PCSK5: variants seen among roughly 807,000 people sequenced by gnomAD.
PCSK5 encodes proprotein convertase subtilisin/kexin type 5.
PCSK5 carries 129 observed loss-of-function variants against 233.2 expected under a neutral mutation model. That is an observed-to-expected ratio of 0.55 (90% CI 0.48 to 0.64). The LOEUF (loss-of-function observed/expected upper bound fraction) is 0.64, where lower values mean the gene tolerates loss of function less well. Among genes scored for constraint, PCSK5 ranks in the 30% least tolerant of loss-of-function variants. The pLI is 0.00. For missense variants in PCSK5, 2,076 were observed against 2,430.1 expected (o/e 0.85, Z 3.06); for synonymous variants, 825 against 879.2 (o/e 0.94, Z 1.09).
At chr9:76,234,013 A>G (rs1451331433) in intron 22 of PCSK5, among the ~76,000 whole-genome samples, 2 of 152,112 alleles carry the variant, frequency 1.3e-5, no homozygotes, top group Non-Finnish European at 2.9e-5. Flanking sequence ...GAGCAAGGTC[A>G]TCGTTTCAAA....
At chr9:75,904,034 CT>C (rs1347002154) in intron 1 of PCSK5, among the ~76,000 whole-genome samples, 1 of 152,072 alleles carries the variant, frequency 6.6e-6, no homozygotes, top group Non-Finnish European at 1.5e-5. Context: ...CCAGCAAGAC[CT>C]TTTTTTCTTT....
chr9:76,278,924 T>A (rs1461026944), intron 24 of PCSK5, among the ~76,000 whole-genome samples: 4 of 152,162 alleles, frequency 2.6e-5, no homozygotes, highest in Admixed American at 6.5e-5. Context: ...GCATTTTTTT[T>A]ATTATACTTT....
At chr9:76,210,412 T>C (rs1236953275) in intron 20 of PCSK5, among the ~76,000 whole-genome samples, 1 of 152,204 alleles carries the variant, frequency 6.6e-6, no homozygotes, top group East Asian at 1.9e-4. Flanking sequence ...TGGCCTGCCA[T>C]GTGTGCCTGA....
chr9:76,189,117 A>C lies in PCSK5; in HGVS notation c.2404A>C (p.Asn802His), dbSNP rs1457545956. The change falls in exon 19 of 38, where the codon AAC (asparagine) becomes CAC (histidine). Residue 802 changes from asparagine (N) to histidine (H), a missense_variant. By Grantham distance (68) the Asn-to-His change is moderately conservative. This residue lies in a region of PCSK5 where 1,510 missense variants were observed against 1,538.1 expected (regional missense o/e 0.98). Coordinates refer to ENST00000674117, the MANE Select transcript of PCSK5 (RefSeq NM_001372043.1). ...AGGGGCAGGAGCTGATGGGTGCATT[A>C]ACTGCACAGAGGGCTACTTCATGGA... ...CAGAGADGCI[N>H]CTEGYFMEDG... 6.2e-7 allele frequency: 1 copy of C among 1,613,390 alleles called. No individual in the cohort carries two copies.
At chr9:76,062,565 C>A (rs1335797722) in intron 5 of PCSK5, among the ~76,000 whole-genome samples, 1 of 152,090 alleles carries the variant, frequency 6.6e-6, no homozygotes, top group Non-Finnish European at 1.5e-5. Context: ...AGGGTTTATC[C>A]AGATATTTTC....
chr9:76,205,889 G>A (rs59706015), intron 20 of PCSK5, among the ~76,000 whole-genome samples: 3,699 of 152,126 alleles, frequency 0.024, 156 homozygotes, highest in African/African-American at 0.085. Flanking sequence ...CCACCCTTCC[G>A]GATGGCAAGT....
chr9:76,132,632 G>A (rs1247079369), intron 9 of PCSK5, among the ~76,000 whole-genome samples: 1 of 152,042 alleles, frequency 6.6e-6, no homozygotes, highest in South Asian at 2.1e-4. Context: ...AATAAGAGCT[G>A]TGGATGCAAA....
intron 22 of PCSK5, among the ~76,000 whole-genome samples, chr9:76,237,453 A>C (rs1826284484): frequency 6.6e-6 from 1 of 152,098 alleles, no homozygotes; most frequent in Non-Finnish European, 1.5e-5. Flanking sequence ...GAGAGCCCAT[A>C]ATCCAAAAGC....
At chr9:76,002,715 G>A (rs1827312914) in intron 3 of PCSK5, among the ~76,000 whole-genome samples, 1 of 152,150 alleles carries the variant, frequency 6.6e-6, no homozygotes, top group Non-Finnish European at 1.5e-5. Context: ...ACTGGCGGAA[G>A]GGAAACAAGT....
At chr9:76,002,842 C>T (rs1371154763) in intron 3 of PCSK5, among the ~76,000 whole-genome samples, 2 of 152,200 alleles carry the variant, frequency 1.3e-5, no homozygotes, top group Non-Finnish European at 2.9e-5. Context: ...GCCCTGATCT[C>T]TCCCATTGCT....
rs568595977 is a variant in PCSK5, at chr9:76,295,526, C to T, written c.3322+115C>T. 4 of 857,878 alleles carry T rather than the reference C, an allele frequency of 4.7e-6. No individual in the cohort carries two copies. The African/African-American group carries it at 6.8e-5, about 15-fold the overall frequency. 53.1% of individuals were successfully genotyped at this position (857,878 alleles called of 1,614,324 possible). On this transcript the variant is annotated intron_variant, in intron 26 of 37. Coordinates refer to ENST00000674117, the MANE Select transcript of PCSK5 (RefSeq NM_001372043.1). ...TCAGAGTCTGTGCGTGTGGGCACCTCTGGCCCAAGGAGAAATTTTAATTTG... is the reference window on the plus strand; with the variant it reads ...TCAGAGTCTGTGCGTGTGGGCACCTTTGGCCCAAGGAGAAATTTTAATTTG...
intron 1 of PCSK5, among the ~76,000 whole-genome samples, chr9:75,932,037 C>A (rs1489890238): frequency 6.6e-6 from 1 of 152,126 alleles, no homozygotes; most frequent in African/African-American, 2.4e-5. Flanking sequence ...ATTTGATTTT[C>A]CCCCCTCTTT....
chr9:75,994,235 G>A (rs1390059313), intron 3 of PCSK5, among the ~76,000 whole-genome samples: 1 of 151,860 alleles, frequency 6.6e-6, no homozygotes, highest in African/African-American at 2.4e-5. Flanking sequence ...TACCCTTAAA[G>A]CCAATCCACC....
chr9:76,359,883 C>T lies in PCSK5; in HGVS notation c.*961C>T, dbSNP rs1426603741. 2 of 151,724 alleles carry T rather than the reference C, an allele frequency of 1.3e-5. No individual in the cohort carries two copies. Among genetic ancestry groups the T allele is most frequent in the East Asian group, 3.9e-4 (2 of 5,184 alleles). The allele number at this position is 151,724 out of a possible 1,614,324, so 9.4% of individuals were successfully genotyped here. A position where few individuals can be genotyped will look rare whatever the true frequency, so the allele number is the denominator to read the frequency against. On this transcript the variant is annotated 3_prime_UTR_variant, in exon 38 of 38. Coordinates refer to ENST00000674117, the MANE Select transcript of PCSK5 (RefSeq NM_001372043.1). ...TAGAAAGAGTTGGAATAGAGTCTAA[C>T]ATGGAAAAAAAAAAATCCCAATATG...
At chr9:76,336,936 A>G (rs1248407423) in intron 34 of PCSK5, among the ~76,000 whole-genome samples, 1 of 152,086 alleles carries the variant, frequency 6.6e-6, no homozygotes, top group Non-Finnish European at 1.5e-5. Flanking sequence ...TCTCATTTGT[A>G]GGTTCAATAA....
chr9:76,206,394 T>C (rs1195248165), intron 20 of PCSK5, among the ~76,000 whole-genome samples: 1 of 152,250 alleles, frequency 6.6e-6, no homozygotes, highest in African/African-American at 2.4e-5. Flanking sequence ...GAGGATTAAA[T>C]GGGTGATGCA....
intron 37 of PCSK5, among the ~76,000 whole-genome samples, chr9:76,356,323 T>C (rs1239110892): frequency 6.6e-6 from 1 of 152,214 alleles, no homozygotes; most frequent in African/African-American, 2.4e-5. Flanking sequence ...TGCGAAAGTA[T>C]AAATGCTCTT....
At position 76,361,804 on chromosome 9, in the gene PCSK5, C is replaced by A. The variant is rs137878432; in HGVS notation, c.*2882C>A. 1.4e-4 allele frequency: 21 copies of A among 152,322 alleles called. No homozygotes were observed. In the East Asian group the frequency reaches 3.9e-3, roughly 28 times the overall value. 9.4% of individuals were successfully genotyped at this position (152,322 alleles called of 1,614,324 possible). ...ATAAAAATATATGCATGATAGCCAT[C>A]ATATCAATGGAAGACTTTCTCACCT... On this transcript the variant is annotated 3_prime_UTR_variant, in exon 38 of 38. Coordinates refer to ENST00000674117, the MANE Select transcript of PCSK5 (RefSeq NM_001372043.1).
chr9:75,925,714 C>T (rs943492864), intron 1 of PCSK5, among the ~76,000 whole-genome samples: 2 of 152,082 alleles, frequency 1.3e-5, no homozygotes, highest in Non-Finnish European at 2.9e-5. Context: ...TGCAAGGGCC[C>T]CAAGATTGGG....
Sources: allele counts gnomAD v4.1 joint callset (sites outside exome capture counted in the v4.1 genomes callset), GRCh38; gene constraint gnomAD v4.1.1; regional missense constraint gnomAD v4.1.1; transcripts MANE v1.5; gene names NCBI Gene and HGNC (gene_info 2026-07-23, HGNC 2026-07-21).